The following ATG9B variants were observed in gnomAD, a reference collection of about 807,000 sequenced individuals.
ATG9B encodes autophagy-related protein 9B.
In ATG9B, 92 loss-of-function variants were observed where a neutral mutation model predicts 92.9. The observed-to-expected ratio is 0.99, with a 90% confidence interval of 0.84 to 1.18. The LOEUF is 1.18. Ranked by LOEUF, ATG9B falls within the 50% of genes most tolerant of loss-of-function variation. ATG9B has a pLI of 0.00. For synonymous variants in ATG9B, 599 were observed against 551.4 expected (o/e 1.09, Z -1.21); for missense variants, 1,344 against 1,235.0 (o/e 1.09, Z -1.32).
At position 151,017,751 on chromosome 7, in the gene ATG9B, GAC is replaced by G. The variant is rs545433619; in HGVS notation, c.2052+118_2052+119del. On this transcript the variant is annotated intron_variant, in intron 8 of 13. Transcript: ENST00000639579. ...GGCACGAGAGCACAGGAAGGGAAGTGACCCGCTCAACGGCACAGGTAGCAAGC... is the reference window on the plus strand; with the variant it reads ...GGCACGAGAGCACAGGAAGGGAAGTGCCGCTCAACGGCACAGGTAGCAAGC... The G allele has an allele frequency of 7.5e-3, 9,347 of 1,243,270 alleles. 59 individuals are homozygous for G. Among genetic ancestry groups the G allele is most frequent in the Non-Finnish European group, 8.8e-3 (8,090 of 915,006 alleles). 77.0% of individuals were successfully genotyped at this position (1,243,270 alleles called of 1,614,324 possible). A position where few individuals can be genotyped will look rare whatever the true frequency, so the allele number is the denominator to read the frequency against.
rs1795629688 is a variant in ATG9B at position 151,018,846 on chromosome 7, C to G, written c.1492G>C (p.Glu498Gln). Residue 498 changes from glutamate to glutamine, a missense_variant, in exon 6 of 14, where the codon GAG (glutamate) becomes CAG (glutamine). Transcript: ENST00000639579. The surrounding 1 kb of genome is among the most constrained non-coding windows in gnomAD (Gnocchi z 4.7). Reference sequence around the variant, plus strand: ...GCGCGGGCCAGGCGCGCGCGCAGCTCGTGCGGCAGCTCGTTGAAGTGGCGC... The same window carrying G: ...GCGCGGGCCAGGCGCGCGCGCAGCTGGTGCGGCAGCTCGTTGAAGTGGCGC... ...QLRHFNELPH[E>Q]LRARLARAYR... 1 of 1,301,588 alleles carries G rather than the reference C, an allele frequency of 7.7e-7. No homozygotes were observed. The highest frequency in any genetic ancestry group is 1.6e-5 in the African/African-American group (1 of 64,100). The allele number at this position is 1,301,588 out of a possible 1,614,324, so 80.6% of individuals were successfully genotyped here. A position where few individuals can be genotyped will look rare whatever the true frequency, so the allele number is the denominator to read the frequency against.
chr7:151,014,042 T>C, downstream of ATG9B: 1 of 1,613,584 alleles, frequency 6.2e-7, no homozygotes, highest in Non-Finnish European at 8.5e-7. Flanking sequence ...ATTTTCGGGC[T>C]CACGCTGCGC....
downstream of ATG9B, chr7:151,013,867 G>C (rs1018887369): frequency 9.4e-6 from 15 of 1,603,408 alleles, no homozygotes; most frequent in Non-Finnish European, 1.3e-5. Context: ...TCCTGGCGAC[G>C]GAGGGCGACA....
Position 151,023,488 on chromosome 7 carries a change from T to C in ATG9B, c.616A>G (p.Asn206Asp), listed in dbSNP as rs1795829475. The change falls in exon 3 of 14, where the codon AAT (asparagine) becomes GAT (aspartate). Residue 206 changes from asparagine to aspartate, a missense_variant. Coordinates refer to ENST00000639579, the MANE Select transcript of ATG9B (RefSeq NM_001317056.2). The stretch of plus-strand genomic sequence containing the variant: ...TCCAGCAAGATGCAGGCAAAGCCAT[T>C]CCGCTGGTGGTAGCTGTAGATGTGG... Reference protein sequence around the residue: ...FTKIYSYHQRNGFACILLEDV... With the variant: ...FTKIYSYHQRDGFACILLEDV... The C allele has an allele frequency of 6.2e-7, 1 of 1,612,964 alleles. No homozygotes were observed. The highest frequency in any genetic ancestry group is 8.5e-7 in the Non-Finnish European group (1 of 1,179,512).
intron 9 of ATG9B, 37 bp downstream of exon 9, chr7:151,016,999 G>T: frequency 6.4e-7 from 1 of 1,553,192 alleles, no homozygotes; most frequent in Admixed American, 1.9e-5. Flanking sequence ...GAGTTGTGGG[G>T]GTGAAGGCAG....
In ATG9B at chr7:151,018,515, A is replaced by G. The variant is rs573261959; in HGVS notation, c.1719-68T>C. On this transcript the variant is annotated intron_variant, in intron 6 of 13. Transcript: ENST00000639579. The surrounding 1 kb of genome is among the most constrained non-coding windows in gnomAD (Gnocchi z 4.7). ...AGGACGCGCGGTGGGATGTAGGGCT[A>G]GAGGGCCCCAGTGGTGGGAGAGGTA... is the stretch of plus-strand genomic sequence containing the variant. 1 of 1,522,734 alleles carries G rather than the reference A, an allele frequency of 6.6e-7. No individual in the cohort carries two copies. Among genetic ancestry groups the G allele is most frequent in the South Asian group, 1.3e-5 (1 of 79,172 alleles). 94.3% of individuals were successfully genotyped at this position (1,522,734 alleles called of 1,614,324 possible). A position where few individuals can be genotyped will look rare whatever the true frequency, so the allele number is the denominator to read the frequency against.
chr7:151,013,426 G>A, downstream of ATG9B: 2 of 1,576,760 alleles, frequency 1.3e-6, no homozygotes, highest in Non-Finnish European at 8.6e-7. Flanking sequence ...TAGGGAGAGA[G>A]GGGAGGACTC....
chr7:151,018,231 A>C lies in ATG9B; in HGVS notation c.1872+63T>G. On this transcript the variant is annotated intron_variant, in intron 7 of 13. Transcript: ENST00000639579. This position sits in a 1 kb window ranked among gnomAD's most constrained non-coding sequence, Gnocchi z 4.7. ...TCCCAGACAGACCCTCCGCGCAGAC[A>C]GACCCTCCGCGCAGACAGACCCCAC... The C allele has an allele frequency of 1.3e-6, 2 of 1,506,202 alleles. No homozygotes were observed. The highest frequency in any genetic ancestry group is 1.3e-5 in the South Asian group (1 of 75,340). The allele number at this position is 1,506,202 out of a possible 1,614,324, so 93.3% of individuals were successfully genotyped here. A position where few individuals can be genotyped will look rare whatever the true frequency, so the allele number is the denominator to read the frequency against.
downstream of ATG9B, chr7:151,013,156 A>T (rs1795343481): frequency 2.0e-6 from 3 of 1,505,368 alleles, no homozygotes; most frequent in Non-Finnish European, 1.8e-6. Flanking sequence ...AGGCTGGGCG[A>T]CGGTGGCCTG....
Position 151,016,767 on chromosome 7 carries a change from G to C in ATG9B, c.2344C>G (p.Leu782Val). 1.2e-6 allele frequency: 2 copies of C among 1,613,080 alleles called. No individual in the cohort carries two copies. The highest frequency in any genetic ancestry group is 8.5e-7 in the Non-Finnish European group (1 of 1,179,676). The change falls in exon 10 of 14, where the codon CTG becomes GTG. Residue 782 changes from leucine (L) to valine (V), a missense_variant. Transcript: ENST00000639579. The part of the protein sequence containing the change: ...FVHPLLPPRD[L>V]SPTAPCPAAA... Reference sequence around the variant, plus strand: ...GCTGGACAGGGGGCTGTCGGGCTCAGATCTCTCGGAGGCAGGAGAGGGTGC... The same window carrying C: ...GCTGGACAGGGGGCTGTCGGGCTCACATCTCTCGGAGGCAGGAGAGGGTGC...
In ATG9B at chr7:151,018,602, G is replaced by A. The variant is rs1194107705; in HGVS notation, c.1718+18C>T. Reference sequence around the variant, plus strand: ...AGAAACCAACACACACCACCACCCCGGGCATCTGCCGTCGCACCTGGCGAC... The same window carrying A: ...AGAAACCAACACACACCACCACCCCAGGCATCTGCCGTCGCACCTGGCGAC... On this transcript the variant is annotated intron_variant, in intron 6 of 13. Transcript: ENST00000639579. This position sits in a 1 kb window ranked among gnomAD's most constrained non-coding sequence, Gnocchi z 4.7. 4 of 1,592,560 alleles carry A rather than the reference G, an allele frequency of 2.5e-6. No individual in the cohort carries two copies. The highest frequency in any genetic ancestry group is 2.3e-5 in the East Asian group (1 of 43,214).
downstream of ATG9B, chr7:151,012,648 A>C: frequency 6.0e-6 from 4 of 667,268 alleles, no homozygotes; most frequent in Non-Finnish European, 9.8e-6. Flanking sequence ...CTGGGCCCTG[A>C]GCTTCTGGCT....
Position 151,016,516 on chromosome 7 carries a change from G to A in ATG9B, c.2435C>T (p.Pro812Leu), listed in dbSNP as rs1315053036. 2.6e-6 allele frequency: 4 copies of A among 1,550,788 alleles called. No homozygotes were observed. Among genetic ancestry groups the A allele is most frequent in the Non-Finnish European group, 2.6e-6 (3 of 1,146,946 alleles). ...RIAQDPSSVS[P>L]GGTGGQKLAQ... is the part of the protein sequence containing the mutation. ...CAGCTTCTGGCCCCCAGTGCCTCCTGGGGACACAGAGCTGGAACATAACAT... is the reference window on the plus strand; with the variant it reads ...CAGCTTCTGGCCCCCAGTGCCTCCTAGGGACACAGAGCTGGAACATAACAT... Residue 812 changes from proline to leucine, a missense_variant, in exon 11 of 14, where the codon CCA (proline) becomes CTA (leucine). Coordinates refer to ENST00000639579, the MANE Select transcript of ATG9B (RefSeq NM_001317056.2).
rs538051847 is a variant in ATG9B at position 151,016,753 on chromosome 7, G to T, written c.2358C>A (p.Ala786=). ...LLPPRDLSPT[A]PCPAAATASL... ...TGGCTGTGGCCGCAGCTGGACAGGG[G>T]GCTGTCGGGCTCAGATCTCTCGGAG... is the stretch of plus-strand genomic sequence containing the variant. The change falls in exon 10 of 14, where the codon GCC becomes GCA. Residue 786 remains alanine (A), a synonymous_variant. Transcript: ENST00000639579. The T allele has an allele frequency of 1.9e-6, 3 of 1,613,064 alleles. No homozygotes were observed. Among genetic ancestry groups the T allele is most frequent in the Non-Finnish European group, 2.5e-6 (3 of 1,179,722 alleles).
rs775063317 is a variant in ATG9B at position 151,018,679 on chromosome 7, T to C, written c.1659A>G (p.Leu553=). Reference sequence around the variant, plus strand: ...TGGCGGTGAGCACGTGCTCCACGGCTAGCACGTCCTCGTCGTAGACGGTGA... The same window carrying C: ...TGGCGGTGAGCACGTGCTCCACGGCCAGCACGTCCTCGTCGTAGACGGTGA... ...LVLTVYDEDV[L]AVEHVLTAMT... Residue 553 remains leucine, a synonymous_variant, in exon 6 of 14, where the codon CTA becomes CTG. Coordinates refer to ENST00000639579, the MANE Select transcript of ATG9B (RefSeq NM_001317056.2). This position sits in a 1 kb window ranked among gnomAD's most constrained non-coding sequence, Gnocchi z 4.7. 7 of 1,605,622 alleles carry C rather than the reference T, an allele frequency of 4.4e-6. No individual in the cohort carries two copies. The highest frequency in any genetic ancestry group is 5.1e-6 in the Non-Finnish European group (6 of 1,178,278).
chr7:151,018,926 C>T lies in ATG9B; in HGVS notation c.1412G>A (p.Arg471His). The T allele has an allele frequency of 3.6e-5, 55 of 1,528,610 alleles. No individual in the cohort carries two copies. Among genetic ancestry groups the T allele is most frequent in the Non-Finnish European group, 4.8e-5 (55 of 1,146,696 alleles). The allele number at this position is 1,528,610 out of a possible 1,614,324, so 94.7% of individuals were successfully genotyped here. A position where few individuals can be genotyped will look rare whatever the true frequency, so the allele number is the denominator to read the frequency against. ...GCGCGCCCCCAGCGCGCCAGGCTCG[C>T]GCCGCAGCAGCTCCACGTGGCTATA... ...VFYSHVELLR[R>H]EPGALGARGW... The change falls in exon 6 of 14, where the codon CGC (arginine) becomes CAC (histidine). Residue 471 changes from arginine (R) to histidine (H), a missense_variant. Arg to His is a conservative substitution (Grantham distance 29). Transcript: ENST00000639579. The surrounding 1 kb of genome is among the most constrained non-coding windows in gnomAD (Gnocchi z 4.7).
chr7:151,023,659 A>G, intron 2 of ATG9B, 28 bp downstream of exon 2: 2 of 1,613,430 alleles, frequency 1.2e-6, no homozygotes, highest in African/African-American at 1.3e-5. Context: ...TTCCCATGCC[A>G]CCTCTGCAGG....
chr7:151,013,935 CG>C, downstream of ATG9B: 1 of 1,597,766 alleles, frequency 6.3e-7, no homozygotes, highest in Non-Finnish European at 8.5e-7. Context: ...AGGGGCGGGC[CG>C]GGCCTGAGCG....
chr7:151,012,285 C>T, downstream of ATG9B: 10 of 1,475,974 alleles, frequency 6.8e-6, no homozygotes, highest in Non-Finnish European at 9.2e-6. Context: ...CTCCACCCAC[C>T]CTGCATGGTG....
Sources: allele counts gnomAD v4.1 joint callset, GRCh38; gene constraint gnomAD v4.1.1; non-coding constraint Gnocchi (gnomAD v3.1); transcripts MANE v1.5; gene names NCBI Gene and HGNC (gene_info 2026-07-23, HGNC 2026-07-21).